The following AKAP6 variants were observed in gnomAD, a reference collection of about 807,000 sequenced individuals.
AKAP6 encodes the protein A-kinase anchoring protein 6.
A neutral mutation model predicts 188.5 loss-of-function variants in AKAP6; 58 were observed. That is an observed-to-expected ratio of 0.31 (90% CI 0.25 to 0.38). The LOEUF (loss-of-function observed/expected upper bound fraction) is 0.38, where lower values mean the gene tolerates loss of function less well. AKAP6 is among the 10% of genes least tolerant of loss of function. The pLI, the probability that AKAP6 is intolerant of heterozygous loss-of-function variation, is 1.00. For missense variants in AKAP6, 2,710 were observed against 2,740.0 expected (o/e 0.99, Z 0.24); for synonymous variants, 989 against 998.6 (o/e 0.99, Z 0.18).
intron 2 of AKAP6, among the ~76,000 whole-genome samples, chr14:32,522,132 C>A (rs1156552131): frequency 6.6e-6 from 1 of 152,182 alleles, no homozygotes; most frequent in Non-Finnish European, 1.5e-5. Flanking sequence ...AACTGGCTAG[C>A]TATATGTAGA....
chr14:32,786,467 C>A (rs540101882), intron 12 of AKAP6, among the ~76,000 whole-genome samples: 1 of 141,044 alleles, frequency 7.1e-6, no homozygotes. Flanking sequence ...ACCACCACGC[C>A]CGGCTAATTA....
intron 11 of AKAP6, among the ~76,000 whole-genome samples, chr14:32,750,189 A>G (rs28475004): frequency 0.16 from 24,856 of 152,018 alleles, 3,004 homozygotes; most frequent in African/African-American, 0.34. Flanking sequence ...ACTGCAGTGA[A>G]TTGGAAGGAT....
intron 7 of AKAP6, among the ~76,000 whole-genome samples, chr14:32,660,936 C>CA (rs1254011086): frequency 1.4e-4 from 6 of 43,972 alleles, no homozygotes; most frequent in Middle Eastern, 9.3e-3. Flanking sequence ...CCCCCCCCCT[C>CA]CCAATTCCAG....
intron 5 of AKAP6, among the ~76,000 whole-genome samples, chr14:32,579,817 G>T (rs17099326): frequency 2.0e-5 from 3 of 152,014 alleles, no homozygotes; most frequent in Non-Finnish European, 4.4e-5. Context: ...TAAGCCTAGA[G>T]ATTTGTATTC....
rs779374416 is a variant in AKAP6 at position 32,546,472 on chromosome 14, C to A, written c.1819C>A (p.Gln607Lys). ...TTCAAAACACAAAAGCAAAAAAGGT[C>A]AAGCCTCCTCTCCAAGTCACGTCAC... is the stretch of plus-strand genomic sequence containing the variant. ...LLSKHKSKKG[Q>K]ASSPSHVTRN... Residue 607 changes from glutamine to lysine, a missense_variant, in exon 4 of 14, where the codon CAA becomes AAA. Around this residue, in one of 2 missense-constraint regions of AKAP6, gnomAD observed 2,473 missense variants for 2,426.1 expected, o/e 1.02. Coordinates refer to ENST00000280979, the MANE Select transcript of AKAP6 (RefSeq NM_004274.5). The A allele has an allele frequency of 3.7e-5, 59 of 1,614,038 alleles. No individual in the cohort carries two copies. The highest frequency in any genetic ancestry group is 4.8e-5 in the Non-Finnish European group (57 of 1,180,032).
At chr14:32,709,418 G>A (rs1890948507) in intron 9 of AKAP6, among the ~76,000 whole-genome samples, 1 of 151,922 alleles carries the variant, frequency 6.6e-6, no homozygotes, top group African/African-American at 2.4e-5. Flanking sequence ...CCAGTGCTAG[G>A]TAATATTTGG....
chr14:32,664,103 C>G (rs1888818089), intron 7 of AKAP6, among the ~76,000 whole-genome samples: 1 of 152,038 alleles, frequency 6.6e-6, no homozygotes, highest in Admixed American at 6.6e-5. Flanking sequence ...TAACCTGTCT[C>G]TTACTTAGAA....
chr14:32,528,575 A>G (rs765045672), intron 2 of AKAP6, among the ~76,000 whole-genome samples: 1 of 152,164 alleles, frequency 6.6e-6, no homozygotes, highest in Non-Finnish European at 1.5e-5. Context: ...TGATTAATGT[A>G]GCTTTGTAGT....
chr14:32,753,482 C>T lies in AKAP6; in HGVS notation c.3372+17600C>T, dbSNP rs77191698. Among the ~76,000 whole-genome samples the T allele has an allele frequency of 4.2e-3, 646 of 152,218 alleles. 2 individuals carry two copies. Among genetic ancestry groups the T allele is most frequent in the African/African-American group, 0.015 (619 of 41,546 alleles). The stretch of plus-strand genomic sequence containing the variant: ...TTCCATTCAGTAGGTTGTCTTTTCA[C>T]TCTGTTGATTGTTTCCTTTCTGTGC... On this transcript the variant is annotated intron_variant, in intron 11 of 13. Coordinates refer to ENST00000280979, the MANE Select transcript of AKAP6 (RefSeq NM_004274.5).
intron 7 of AKAP6, among the ~76,000 whole-genome samples, chr14:32,623,460 A>G (rs953518381): frequency 3.9e-5 from 6 of 152,066 alleles, no homozygotes; most frequent in African/African-American, 1.4e-4. Flanking sequence ...ACATCCCCCT[A>G]CTTCTTACCC....
At chr14:32,390,897 A>G (rs1347873865) in intron 1 of AKAP6, among the ~76,000 whole-genome samples, 1 of 152,160 alleles carries the variant, frequency 6.6e-6, no homozygotes, top group Non-Finnish European at 1.5e-5. Context: ...TCAGAGCTGC[A>G]ATCTAGTCCT....
intron 1 of AKAP6, among the ~76,000 whole-genome samples, chr14:32,357,847 T>A (rs969860459): frequency 7.2e-5 from 11 of 152,344 alleles, no homozygotes; most frequent in Admixed American, 7.2e-4. Context: ...CGCCCGTGTG[T>A]AATGCACAAT....
Position 32,400,001 on chromosome 14 carries a change from AG to A in AKAP6, c.-34-33457del, listed in dbSNP as rs890600101. On this transcript the variant is annotated intron_variant, in intron 1 of 13. Coordinates refer to ENST00000280979, the MANE Select transcript of AKAP6 (RefSeq NM_004274.5). ...TATTTGAGGATGTGTTCTTACCAAG[AG>A]GCTTCTTCTTTTCTTCCACCAGGAC... Among the ~76,000 whole-genome samples, 115 of 152,204 alleles carry A rather than the reference AG, an allele frequency of 7.6e-4. 1 individual carries two copies. The highest frequency in any genetic ancestry group is 2.7e-3 in the African/African-American group (112 of 41,540).
chr14:32,425,038 CT>C (rs1889984085), intron 1 of AKAP6, among the ~76,000 whole-genome samples: 1 of 152,110 alleles, frequency 6.6e-6, no homozygotes, highest in East Asian at 1.9e-4. Flanking sequence ...AATAGTATTT[CT>C]GTCATTAGGT....
At chr14:32,563,962 T>C (rs1396389617) in intron 4 of AKAP6, among the ~76,000 whole-genome samples, 1 of 152,190 alleles carries the variant, frequency 6.6e-6, no homozygotes. Flanking sequence ...ATACATACAG[T>C]CGTTCCTCAG....
chr14:32,682,829 A>G (rs567818097), intron 8 of AKAP6, among the ~76,000 whole-genome samples: 1 of 152,294 alleles, frequency 6.6e-6, no homozygotes, highest in East Asian at 1.9e-4. Context: ...GTGGTTTTCA[A>G]AGTATGGTCT....
intron 11 of AKAP6, among the ~76,000 whole-genome samples, chr14:32,770,812 G>A (rs1038074750): frequency 1.3e-5 from 2 of 152,144 alleles, no homozygotes; most frequent in Admixed American, 6.6e-5. Flanking sequence ...ACTCCTTGAG[G>A]GTAAAAGGGA....
chr14:32,728,745 A>G (rs2031018477), intron 9 of AKAP6, among the ~76,000 whole-genome samples: 1 of 152,188 alleles, frequency 6.6e-6, no homozygotes, highest in African/African-American at 2.4e-5. Flanking sequence ...GAAGCACCAT[A>G]CAAAAGTCTT....
intron 7 of AKAP6, among the ~76,000 whole-genome samples, chr14:32,654,854 TA>T (rs34940494): frequency 0.67 from 99,232 of 148,260 alleles, 34,196 homozygotes; most frequent in East Asian, 0.94. Flanking sequence ...GTCTCAGGAA[TA>T]AAAAAAAAAA....
Sources: allele counts gnomAD v4.1 joint callset (sites outside exome capture counted in the v4.1 genomes callset), GRCh38; gene constraint gnomAD v4.1.1; regional missense constraint gnomAD v4.1.1; transcripts MANE v1.5; gene names NCBI Gene and HGNC (gene_info 2026-07-23, HGNC 2026-07-21).